The following SORCS3 variants were observed in gnomAD, a reference collection of about 807,000 sequenced individuals.
SORCS3 encodes VPS10 domain-containing receptor SorCS3.
A neutral mutation model predicts 146.3 loss-of-function variants in SORCS3; 57 were observed. That is an observed-to-expected ratio of 0.39 (90% CI 0.31 to 0.49). The LOEUF is 0.49. Among genes scored for constraint, SORCS3 ranks in the 20% least tolerant of loss-of-function variants. SORCS3 has a pLI of 0.92. For missense variants in SORCS3, 1,341 were observed against 1,575.5 expected (o/e 0.85, Z 2.52); for synonymous variants, 653 against 618.5 (o/e 1.06, Z -0.83).
intron 3 of SORCS3, among the ~76,000 whole-genome samples, chr10:104,930,263 T>A (rs1254562042): frequency 6.6e-6 from 1 of 152,236 alleles, no homozygotes; most frequent in East Asian, 1.9e-4. Context: ...ACTAAAGCTT[T>A]CCAGTTGGGC....
At chr10:105,143,482 G>A (rs2056109379) in intron 8 of SORCS3, among the ~76,000 whole-genome samples, 1 of 152,010 alleles carries the variant, frequency 6.6e-6, no homozygotes, top group African/African-American at 2.4e-5. Flanking sequence ...TTTAACCAAG[G>A]TTGTAAACTA....
chr10:105,020,470 C>A (rs1316715716), intron 4 of SORCS3, among the ~76,000 whole-genome samples: 4 of 152,088 alleles, frequency 2.6e-5, no homozygotes, highest in Non-Finnish European at 5.9e-5. Flanking sequence ...TCTGTGCAAA[C>A]CCTCTACCCC....
intron 1 of SORCS3, among the ~76,000 whole-genome samples, chr10:104,749,412 A>G (rs144418412): frequency 8.5e-5 from 13 of 152,078 alleles, no homozygotes; most frequent in African/African-American, 3.1e-4. Context: ...TTAAATCTTT[A>G]TGTCTTCTTC....
At chr10:105,163,500 A>G (rs1004964671) in intron 11 of SORCS3, among the ~76,000 whole-genome samples, 1 of 152,104 alleles carries the variant, frequency 6.6e-6, no homozygotes, top group Non-Finnish European at 1.5e-5. Flanking sequence ...GAGCACTATT[A>G]GGTTGGGGGC....
chr10:104,819,036 A>T (rs2017841873), intron 1 of SORCS3, among the ~76,000 whole-genome samples: 1 of 150,662 alleles, frequency 6.6e-6, no homozygotes, highest in Non-Finnish European at 1.5e-5. Flanking sequence ...AAAAGGTTAA[A>T]TAACTAGGTC....
At chr10:105,215,636 A>G (rs913456556) in intron 18 of SORCS3, among the ~76,000 whole-genome samples, 1 of 152,210 alleles carries the variant, frequency 6.6e-6, no homozygotes, top group African/African-American at 2.4e-5. Context: ...ATGGGTGTGA[A>G]GAGCCACGAT....
At chr10:104,963,660 C>A (rs2054810359) in intron 3 of SORCS3, among the ~76,000 whole-genome samples, 1 of 152,140 alleles carries the variant, frequency 6.6e-6, no homozygotes. Context: ...GGCCAGCCCT[C>A]TCCCCGGAGT....
At chr10:104,836,623 C>T (rs975823546) in intron 1 of SORCS3, among the ~76,000 whole-genome samples, 4 of 152,038 alleles carry the variant, frequency 2.6e-5, no homozygotes, top group Non-Finnish European at 4.4e-5. Flanking sequence ...CTATTGTCAC[C>T]GCCCTCTTCA....
chr10:104,910,816 G>A (rs61867341), intron 2 of SORCS3, among the ~76,000 whole-genome samples: 54,582 of 152,202 alleles, frequency 0.36, 12,678 homozygotes, highest in African/African-American at 0.66. Context: ...CAGGGTACAG[G>A]AGCCAGAGCC....
intron 5 of SORCS3, among the ~76,000 whole-genome samples, chr10:105,056,516 A>G (rs1486838549): frequency 6.6e-6 from 1 of 152,198 alleles, no homozygotes; most frequent in Non-Finnish European, 1.5e-5. Flanking sequence ...CTATCTTGGT[A>G]ATAGAGGACA....
At chr10:104,832,521 C>T (rs1490031890) in intron 1 of SORCS3, among the ~76,000 whole-genome samples, 1 of 152,118 alleles carries the variant, frequency 6.6e-6, no homozygotes, top group African/African-American at 2.4e-5. Flanking sequence ...AGTTTGAGAC[C>T]AGCCTTGCCA....
At chr10:105,049,429 T>C (rs1008835661) in intron 5 of SORCS3, among the ~76,000 whole-genome samples, 2 of 152,052 alleles carry the variant, frequency 1.3e-5, no homozygotes, top group Admixed American at 6.6e-5. Context: ...GCTTTTCTTA[T>C]GTAAAACAAT....
chr10:105,022,969 G>A (rs2055206739), intron 4 of SORCS3, among the ~76,000 whole-genome samples: 1 of 152,068 alleles, frequency 6.6e-6, no homozygotes, highest in Non-Finnish European at 1.5e-5. Context: ...AGAGTGGGAG[G>A]TCTGCAGAGG....
intron 1 of SORCS3, among the ~76,000 whole-genome samples, chr10:104,772,165 G>A (rs74155031): frequency 6.6e-6 from 1 of 151,430 alleles, no homozygotes; most frequent in Non-Finnish European, 1.5e-5. Flanking sequence ...AGAATCCTCT[G>A]TCATTGTTTC....
chr10:105,031,332 A>ACAC (rs2055265871), intron 4 of SORCS3, among the ~76,000 whole-genome samples: 27 of 113,556 alleles, frequency 2.4e-4, no homozygotes, highest in African/African-American at 8.0e-4. Flanking sequence ...CACACACACA[A>ACAC]ACACACACAC....
At chr10:104,725,160 G>C (rs562894906) in intron 1 of SORCS3, among the ~76,000 whole-genome samples, 2 of 152,226 alleles carry the variant, frequency 1.3e-5, no homozygotes, top group African/African-American at 4.8e-5. Flanking sequence ...TTTTGTTGTG[G>C]TTGTCCTTTC....
At chr10:104,934,654 G>T (rs2133613431) in intron 3 of SORCS3, among the ~76,000 whole-genome samples, 1 of 152,188 alleles carries the variant, frequency 6.6e-6, no homozygotes, top group Non-Finnish European at 1.5e-5. Context: ...AATGTTTACT[G>T]GTTTACTCCT....
At chr10:104,990,276 T>C (rs2054985711) in intron 4 of SORCS3, among the ~76,000 whole-genome samples, 1 of 152,244 alleles carries the variant, frequency 6.6e-6, no homozygotes, top group Non-Finnish European at 1.5e-5. Context: ...AATGAAACTC[T>C]AGTTGCCCAC....
At chr10:104,701,578 G>A (rs578039192) in intron 1 of SORCS3, among the ~76,000 whole-genome samples, 9 of 152,294 alleles carry the variant, frequency 5.9e-5, no homozygotes, top group African/African-American at 2.2e-4. Context: ...TACAAGGCAT[G>A]CTGGGTTTCC....
Sources: gnomAD v4.1 joint callset for allele counts (sites outside exome capture counted in the v4.1 genomes callset) on GRCh38, gnomAD v4.1.1 for gene constraint, MANE v1.5 for transcripts, NCBI Gene and HGNC (gene_info 2026-07-23, HGNC 2026-07-21) for gene names.